Variants in ZNF224 observed in about 807,000 individuals in gnomAD.
ZNF224 encodes the protein bone marrow zinc finger 2.
In ZNF224, 8 loss-of-function variants were observed where a neutral mutation model predicts 10.5. The ratio of observed to expected loss-of-function variants is 0.76; its 90% CI spans 0.45 to 1.37. The LOEUF (loss-of-function observed/expected upper bound fraction) is 1.37. Ranked by LOEUF, ZNF224 falls within the 40% of genes most tolerant of loss-of-function variation. The probability of loss-of-function intolerance (pLI) is 0.00; values close to 1 mark genes in which losing one functional copy is unlikely to be tolerated. For synonymous variants in ZNF224, 282 were observed against 287.8 expected (o/e 0.98, Z 0.20); for missense variants, 754 against 854.0 (o/e 0.88, Z 1.46).
Position 44,106,613 on chromosome 19 carries a change from T to C in ZNF224, c.453T>C (p.Asn151=), listed in dbSNP as rs1967668162. 1.2e-6 allele frequency: 2 copies of C among 1,604,524 alleles called. No homozygotes were observed. Among genetic ancestry groups the C allele is most frequent in the South Asian group, 2.2e-5 (2 of 89,290 alleles). The part of the protein sequence containing the change: ...IHTRQKSSQG[N]GYKPSFSDVS... ...CAAGACAGAAATCTTCCCAGGGCAA[T>C]GGATATAAACCATCCTTCAGTGATG... The change falls in exon 6 of 6, where the codon AAT becomes AAC. Residue 151 remains asparagine, a synonymous_variant. Transcript: ENST00000693561.
At chr19:44,099,441 A>T (rs907841068) in intron 3 of ZNF224, among the ~76,000 whole-genome samples, 4 of 152,214 alleles carry the variant, frequency 2.6e-5, no homozygotes, top group Admixed American at 2.6e-4. Context: ...AGGGAAGAAA[A>T]TCCAAAGAAA....
rs1353767819 is a variant in ZNF224 at position 44,100,834 on chromosome 19, T to A, written c.49T>A (p.Phe17Ile). 3 of 1,613,972 alleles carry A rather than the reference T, an allele frequency of 1.9e-6. No individual in the cohort carries two copies. Among genetic ancestry groups the A allele is most frequent in the Non-Finnish European group, 2.5e-6 (3 of 1,180,002 alleles). Residue 17 changes from phenylalanine to isoleucine, a missense_variant, in exon 4 of 6, where the codon TTC becomes ATC. By Grantham distance (21) the Phe-to-Ile change is conservative. Transcript: ENST00000693561. Reference protein sequence around the residue: ...AMTFKDVAVVFTEEELGLLDL... With the variant: ...AMTFKDVAVVITEEELGLLDL... Reference sequence around the variant, plus strand: ...GACCTTCAAGGACGTGGCTGTGGTCTTCACTGAGGAAGAGCTGGGGCTGCT... The same window carrying A: ...GACCTTCAAGGACGTGGCTGTGGTCATCACTGAGGAAGAGCTGGGGCTGCT...
At chr19:44,106,113 A>G in intron 5 of ZNF224, 1 of 307,746 alleles carries the variant, frequency 3.2e-6, no homozygotes, top group Non-Finnish European at 5.6e-6. Context: ...GGTTGTACTA[A>G]TTTACATTCA....
chr19:44,095,071 G>T, intron 1 of ZNF224: 1 of 223,404 alleles, frequency 4.5e-6, no homozygotes. Context: ...CGCGGTCAAG[G>T]TGTTTCACAG....
intron 5 of ZNF224, among the ~76,000 whole-genome samples, chr19:44,103,210 T>C (rs772877818): frequency 1.3e-5 from 2 of 152,212 alleles, no homozygotes; most frequent in African/African-American, 2.4e-5. Context: ...ACTGACATCC[T>C]GAAAGAGACT....
intron 5 of ZNF224, among the ~76,000 whole-genome samples, chr19:44,104,017 T>C (rs895443690): frequency 6.6e-6 from 1 of 151,888 alleles, no homozygotes; most frequent in African/African-American, 2.4e-5. Flanking sequence ...TTAATGAGAG[T>C]CTAATATCCC....
intron 1 of ZNF224, chr19:44,095,237 C>A: frequency 4.8e-6 from 1 of 206,416 alleles, no homozygotes; most frequent in South Asian, 9.2e-5. Context: ...GCATGGGGGT[C>A]GATAATAATT....
rs774892102 is a variant in ZNF224, at chr19:44,106,991, A to G, written c.831A>G (p.Glu277=). The G allele has an allele frequency of 4.3e-6, 7 of 1,610,612 alleles. No homozygotes were observed. The highest frequency in any genetic ancestry group is 3.3e-5 in the Admixed American group (2 of 59,874). Residue 277 remains glutamate, a synonymous_variant, in exon 6 of 6, where the codon GAA becomes GAG. Transcript: ENST00000693561. ...TCATTCACGATTCCCAGCTTCAAGA[A>G]CATCAGAGAATCCATACGGGGGAGA... ...KAFIHDSQLQ[E]HQRIHTGEKP... is the part of the protein sequence containing the mutation.
At chr19:44,097,909 T>C (rs1568528771) in intron 3 of ZNF224, 21 bp downstream of exon 3, 1 of 1,613,764 alleles carries the variant, frequency 6.2e-7, no homozygotes, top group Non-Finnish European at 8.5e-7. Context: ...CTTGCTTCTA[T>C]TACTCTTAAA....
In ZNF224 at chr19:44,107,874, G is replaced by A. The variant is rs531569399; in HGVS notation, c.1714G>A (p.Glu572Lys). 1.2e-6 allele frequency: 2 copies of A among 1,601,252 alleles called. No homozygotes were observed. Among genetic ancestry groups the A allele is most frequent in the South Asian group, 2.2e-5 (2 of 90,412 alleles). ...HSGEKPFKCE[E>K]CGKRFTQNSQ... is the part of the protein sequence containing the mutation. ...TGGAGAAAAACCATTCAAATGTGAA[G>A]AGTGTGGGAAAAGATTTACTCAGAA... Residue 572 changes from glutamate to lysine, a missense_variant, in exon 6 of 6, where the codon GAG (glutamate) becomes AAG (lysine). Physicochemically the swap from Glu to Lys is moderately conservative, Grantham distance 56. Coordinates refer to ENST00000693561, the MANE Select transcript of ZNF224 (RefSeq NM_001321645.3).
Position 44,107,452 on chromosome 19 carries a change from T to G in ZNF224, c.1292T>G (p.Val431Gly). ...AGTGGAGAAAAACCATACAAATGTG[T>G]GGAGTGTGGGAAGGGCTACAAAAGG... is the stretch of plus-strand genomic sequence containing the variant. ...SHSGEKPYKC[V>G]ECGKGYKRRL... Residue 431 changes from valine (V) to glycine (G), a missense_variant, in exon 6 of 6, where the codon GTG becomes GGG. Val to Gly is a moderately radical substitution (Grantham distance 109, BLOSUM62 -3). Transcript: ENST00000693561. The G allele has an allele frequency of 1.2e-6, 2 of 1,606,138 alleles. No homozygotes were observed. The highest frequency in any genetic ancestry group is 1.7e-6 in the Non-Finnish European group (2 of 1,176,854).
At chr19:44,100,691 T>C (rs967725649) in intron 3 of ZNF224, 110 bp from the exon 4 acceptor site, 9 of 1,375,776 alleles carry the variant, frequency 6.5e-6, no homozygotes, top group Non-Finnish European at 8.9e-6. Flanking sequence ...GACCTATGTC[T>C]CTCAAGATCC....
Position 44,106,559 on chromosome 19 carries a change from G to T in ZNF224, c.399G>T (p.Gln133His). Reference sequence around the variant, plus strand: ...CCAAAGAAGGTGATTTCCCCTGCCAGACTGAGGCAGGACTATCTGTAATTC... The same window carrying T: ...CCAAAGAAGGTGATTTCCCCTGCCATACTGAGGCAGGACTATCTGTAATTC... Reference protein sequence around the residue: ...QFSKEGDFPCQTEAGLSVIHT... With the variant: ...QFSKEGDFPCHTEAGLSVIHT... Residue 133 changes from glutamine (Q) to histidine (H), a missense_variant, in exon 6 of 6, where the codon CAG becomes CAT. By Grantham distance (24) the Gln-to-His change is conservative (BLOSUM62 0). Coordinates refer to ENST00000693561, the MANE Select transcript of ZNF224 (RefSeq NM_001321645.3). 2.5e-6 allele frequency: 4 copies of T among 1,614,082 alleles called. No homozygotes were observed. The highest frequency in any genetic ancestry group is 3.4e-6 in the Non-Finnish European group (4 of 1,179,958).
At chr19:44,105,024 TC>T (rs1363300391) in intron 5 of ZNF224, among the ~76,000 whole-genome samples, 1 of 152,194 alleles carries the variant, frequency 6.6e-6, no homozygotes, top group Non-Finnish European at 1.5e-5. Flanking sequence ...GTTGATTGAT[TC>T]CCATGTGGCT....
At chr19:44,102,208 C>T (rs1967562347) in intron 5 of ZNF224, among the ~76,000 whole-genome samples, 1 of 152,172 alleles carries the variant, frequency 6.6e-6, no homozygotes, top group African/African-American at 2.4e-5. Flanking sequence ...CTGGCATCTC[C>T]TTCAGTTATT....
In ZNF224 at chr19:44,107,159, T is replaced by G; in HGVS notation, c.999T>G (p.Ser333Arg). ...TTCGTCAGAGATCAGCACTTAATAG[T>G]CATCGCATGATCCACACAGGAGAGA... is the stretch of plus-strand genomic sequence containing the variant. ...KSFRQRSALN[S>R]HRMIHTGEKP... Residue 333 changes from serine (S) to arginine (R), a missense_variant, in exon 6 of 6, where the codon AGT becomes AGG. Coordinates refer to ENST00000693561, the MANE Select transcript of ZNF224 (RefSeq NM_001321645.3). 1 of 1,607,024 alleles carries G rather than the reference T, an allele frequency of 6.2e-7. No homozygotes were observed. Among genetic ancestry groups the G allele is most frequent in the Non-Finnish European group, 8.5e-7 (1 of 1,176,416 alleles).
At chr19:44,098,859 G>C (rs1022485547) in intron 3 of ZNF224, among the ~76,000 whole-genome samples, 1 of 152,222 alleles carries the variant, frequency 6.6e-6, no homozygotes, top group Middle Eastern at 3.2e-3. Context: ...AATTACAGGC[G>C]TGAGCCACCG....
intron 3 of ZNF224, among the ~76,000 whole-genome samples, chr19:44,100,398 C>T (rs1005751267): frequency 2.0e-5 from 3 of 152,102 alleles, no homozygotes; most frequent in Admixed American, 6.6e-5. Flanking sequence ...ACAATAACAT[C>T]CAGGGTTCGA....
At chr19:44,095,881 C>A in intron 1 of ZNF224, 1 of 149,158 alleles carries the variant, frequency 6.7e-6, no homozygotes, top group South Asian at 2.1e-4. Context: ...CGGAGATCTG[C>A]CATTGCACTC....
Sources: gnomAD v4.1 joint callset for allele counts (sites outside exome capture counted in the v4.1 genomes callset) on GRCh38, gnomAD v4.1.1 for gene constraint, MANE v1.5 for transcripts, NCBI Gene and HGNC (gene_info 2026-07-23, HGNC 2026-07-21) for gene names.